LRP1: variants seen among roughly 807,000 people sequenced by gnomAD.
LRP1 encodes prolow-density lipoprotein receptor-related protein 1.
A neutral mutation model predicts 541.5 loss-of-function variants in LRP1; 51 were observed. The observed-to-expected ratio is 0.09, with a 90% CI of 0.08 to 0.12. LRP1 has a LOEUF of 0.12. Ranked by LOEUF, LRP1 falls within the 10% of genes least tolerant of loss-of-function variation. The pLI is 1.00. For missense variants in LRP1, 3,878 were observed against 6,376.2 expected, an observed-to-expected ratio of 0.61 and a Z score of 13.34; for synonymous variants, 2,219 against 2,470.8, an observed-to-expected ratio of 0.90 and a Z score of 3.02.
At chr12:57,174,013 G>C in intron 22 of LRP1, 33 bp downstream of exon 22, 1 of 1,605,836 alleles carries the variant, frequency 6.2e-7, no homozygotes, top group African/African-American at 1.3e-5. Flanking sequence ...GGGTAGGGAG[G>C]GTGGCTGGGT....
intron 78 of LRP1, 122 bp from the exon 79 acceptor site, chr12:57,208,961 A>G: frequency 9.4e-7 from 1 of 1,063,168 alleles, no homozygotes; most frequent in South Asian, 1.4e-5. Flanking sequence ...GCTTTTCCCG[A>G]AAGAGGTGAC....
Position 57,204,480 on chromosome 12 carries a change from T to C in LRP1, c.11022T>C (p.Asp3674=). Residue 3674 remains aspartate (D), a synonymous_variant, in exon 71 of 89, where the codon GAT becomes GAC. Transcript: ENST00000243077. The surrounding 1 kb of genome is among the most constrained non-coding windows in gnomAD (Gnocchi z 5.3). ...GCAAGCCGCTGGCCTGGAAGTGCGA[T>C]GGCGAGGATGACTGTGGGGACAACT... ...TLCKPLAWKC[D]GEDDCGDNSD... is the part of the protein sequence containing the mutation. 1 of 1,579,594 alleles carries C rather than the reference T, an allele frequency of 6.3e-7. No individual in the cohort carries two copies. The highest frequency in any genetic ancestry group is 8.6e-7 in the Non-Finnish European group (1 of 1,160,330).
Position 57,173,425 on chromosome 12 carries a change from C to G in LRP1, c.3346+75C>G, listed in dbSNP as rs181211156. ...GGAGACCGTGTTGAGAGCAGAGTAG[C>G]GGCAAAGGGGATGGCACTGTGCTGT... On this transcript the variant is annotated intron_variant, in intron 21 of 88. Transcript: ENST00000243077. The surrounding 1 kb of genome is among the most constrained non-coding windows in gnomAD (Gnocchi z 4.7). The G allele has an allele frequency of 3.7e-5, 54 of 1,477,320 alleles. No homozygotes were observed. The East Asian group carries it at 1.2e-3, about 34-fold the overall frequency. The allele number at this position is 1,477,320 out of a possible 1,614,324, so 91.5% of individuals were successfully genotyped here.
chr12:57,177,276 C>G lies in LRP1; in HGVS notation c.4196+31C>G. The G allele has an allele frequency of 6.2e-7, 1 of 1,607,868 alleles. No homozygotes were observed. Among genetic ancestry groups the G allele is most frequent in the East Asian group, 2.2e-5 (1 of 44,728 alleles). Reference sequence around the variant, plus strand: ...GACCTTGCCCAGCCTTCTCCTGGCCCCATGGCCCCCCTGAAGTCCCATTCA... The same window carrying G: ...GACCTTGCCCAGCCTTCTCCTGGCCGCATGGCCCCCCTGAAGTCCCATTCA... On this transcript the variant is annotated intron_variant, in intron 25 of 88. Coordinates refer to ENST00000243077, the MANE Select transcript of LRP1 (RefSeq NM_002332.3). This position sits in a 1 kb window ranked among gnomAD's most constrained non-coding sequence, Gnocchi z 6.8.
At position 57,185,995 on chromosome 12, in the gene LRP1, C is replaced by T. The variant is rs1192837293; in HGVS notation, c.6841+87C>T. On this transcript the variant is annotated intron_variant, in intron 41 of 88. Coordinates refer to ENST00000243077, the MANE Select transcript of LRP1 (RefSeq NM_002332.3). This position sits in a 1 kb window ranked among gnomAD's most constrained non-coding sequence, Gnocchi z 4.9. ...CTTAGACCCCAGCCAGGCACTCTAC[C>T]CTAGGTCTGAATCCCAGCAGCTACA... The T allele has an allele frequency of 2.1e-6, 3 of 1,429,508 alleles. No homozygotes were observed. In the African/African-American group the frequency reaches 4.3e-5, roughly 20 times the overall value. The allele number at this position is 1,429,508 out of a possible 1,614,324, so 88.6% of individuals were successfully genotyped here.
intron 24 of LRP1, among the ~76,000 whole-genome samples, chr12:57,176,680 G>T (rs140440737): frequency 6.6e-6 from 1 of 152,174 alleles, no homozygotes; most frequent in East Asian, 1.9e-4. Flanking sequence ...TCAACGAGGG[G>T]GGAGGCTAAG....
chr12:57,172,537 C>G (rs576059453), intron 20 of LRP1, among the ~76,000 whole-genome samples: 1 of 152,264 alleles, frequency 6.6e-6, no homozygotes, highest in South Asian at 2.1e-4. Flanking sequence ...GGCTGTTCCC[C>G]TTGCCTGGAG....
chr12:57,180,409 T>C lies in LRP1; in HGVS notation c.5316T>C (p.Asp1772=), dbSNP rs1444999828. 7 of 1,614,144 alleles carry C rather than the reference T, an allele frequency of 4.3e-6. No individual in the cohort carries two copies. Among genetic ancestry groups the C allele is most frequent in the Non-Finnish European group, 5.9e-6 (7 of 1,180,042 alleles). Residue 1772 remains aspartate (D), a synonymous_variant, in exon 32 of 89, where the codon GAT becomes GAC. Transcript: ENST00000243077. ...GNHTINRCNL[D]GSGLEVIDAM... is the part of the protein sequence containing the mutation. ...ATACCATCAACCGCTGCAACCTGGATGGGAGTGGGCTGGAGGTCATCGATG... is the reference window on the plus strand; with the variant it reads ...ATACCATCAACCGCTGCAACCTGGACGGGAGTGGGCTGGAGGTCATCGATG...
chr12:57,190,593 C>G (rs1284959642), intron 42 of LRP1, among the ~76,000 whole-genome samples: 1 of 152,252 alleles, frequency 6.6e-6, no homozygotes, highest in Non-Finnish European at 1.5e-5. Context: ...ACACTTGGCC[C>G]TCATCCCCTC....
Position 57,145,192 on chromosome 12 carries a change from C to T in LRP1, c.578-35C>T, listed in dbSNP as rs535270990. 4.7e-5 allele frequency: 76 copies of T among 1,613,780 alleles called. No individual in the cohort carries two copies. The East Asian group carries it at 1.5e-3, about 32-fold the overall frequency. On this transcript the variant is annotated intron_variant, in intron 5 of 88. Coordinates refer to ENST00000243077, the MANE Select transcript of LRP1 (RefSeq NM_002332.3). Reference sequence around the variant, plus strand: ...TGGCCTGAGAGGTGGTCCTAGAGCCCTGGCTGCACGGACTCTTCTCTTCCC... The same window carrying T: ...TGGCCTGAGAGGTGGTCCTAGAGCCTTGGCTGCACGGACTCTTCTCTTCCC...
In LRP1 at chr12:57,177,359, A is replaced by G. The variant is rs1156586629; in HGVS notation, c.4197-68A>G. The G allele has an allele frequency of 6.4e-7, 1 of 1,558,722 alleles. No homozygotes were observed. The highest frequency in any genetic ancestry group is 1.4e-5 in the African/African-American group (1 of 73,860). ...ATCTGCCTCCTCCCACCCTCTACCT[A>G]CGATCCCACCACAGTCGCTCCCTGA... is the stretch of plus-strand genomic sequence containing the variant. On this transcript the variant is annotated intron_variant, in intron 25 of 88. Transcript: ENST00000243077. The surrounding 1 kb of genome is among the most constrained non-coding windows in gnomAD (Gnocchi z 6.8).
Position 57,205,682 on chromosome 12 carries a change from C to G in LRP1, c.11590+5C>G, listed in dbSNP as rs547917087. ...ACAACACCTGCAAGGCCGAAGGTGC[C>G]GGAGCCACCAGAGGGCAGAAAGGCT... On this transcript the variant is annotated splice_donor_5th_base_variant and intron_variant, in intron 75 of 88. Transcript: ENST00000243077. This position sits in a 1 kb window ranked among gnomAD's most constrained non-coding sequence, Gnocchi z 4.6. The G allele has an allele frequency of 9.6e-4, 1,545 of 1,609,296 alleles. 19 individuals are homozygous for G. The South Asian group carries it at 0.016, about 17-fold the overall frequency.
intron 59 of LRP1, 47 bp from the exon 60 acceptor site, chr12:57,198,418 C>T (rs569653667): frequency 5.0e-5 from 81 of 1,605,494 alleles, no homozygotes; most frequent in South Asian, 2.8e-4. Flanking sequence ...GCCACTGGTG[C>T]GATGGGTTAC....
intron 55 of LRP1, 138 bp from the exon 56 acceptor site, chr12:57,196,844 G>A: frequency 1.4e-6 from 1 of 698,620 alleles, no homozygotes; most frequent in Non-Finnish European, 2.4e-6. Flanking sequence ...CTGTGGGCCA[G>A]CTGGGTGGGC....
At position 57,177,550 on chromosome 12, in the gene LRP1, C is replaced by G. The variant is rs765634369; in HGVS notation, c.4320C>G (p.Thr1440=). The change falls in exon 26 of 89, where the codon ACC becomes ACG. Residue 1440 remains threonine, a synonymous_variant. Transcript: ENST00000243077. This position sits in a 1 kb window ranked among gnomAD's most constrained non-coding sequence, Gnocchi z 6.8. ...CTGGGGGCTGGCCCAACGGGCTCAC[C>G]GTGGACTACCTGGAGAAGCGCATCC... is the stretch of plus-strand genomic sequence containing the variant. ...TGSGGWPNGL[T]VDYLEKRILW... is the part of the protein sequence containing the mutation. 4 of 1,613,796 alleles carry G rather than the reference C, an allele frequency of 2.5e-6. No individual in the cohort carries two copies. The highest frequency in any genetic ancestry group is 3.4e-6 in the Non-Finnish European group (4 of 1,179,982).
Position 57,201,003 on chromosome 12 carries a change from C to T in LRP1, c.10226-31C>T, listed in dbSNP as rs769849927. 1.3e-5 allele frequency: 21 copies of T among 1,613,690 alleles called. No homozygotes were observed. The highest frequency in any genetic ancestry group is 1.6e-4 in the Middle Eastern group (1 of 6,082). ...TCTCCCTGCCCCTGAGTCCTCCCTT[C>T]GCCACGAATCACCTCCTCCTCCCTC... is the stretch of plus-strand genomic sequence containing the variant. On this transcript the variant is annotated intron_variant, in intron 64 of 88. Transcript: ENST00000243077. The surrounding 1 kb of genome is among the most constrained non-coding windows in gnomAD (Gnocchi z 6.4).
rs1415025762 is a variant in LRP1 at position 57,211,543 on chromosome 12, A to G, written c.13148A>G (p.Asn4383Ser). Residue 4383 changes from asparagine to serine, a missense_variant, in exon 85 of 89, where the codon AAT becomes AGT. By Grantham distance (46) the Asn-to-Ser change is conservative (BLOSUM62 1). Coordinates refer to ENST00000243077, the MANE Select transcript of LRP1 (RefSeq NM_002332.3). This position sits in a 1 kb window ranked among gnomAD's most constrained non-coding sequence, Gnocchi z 4.3. ...SCLTCVGHCS[N>S]GGSCTMNSKM... ...CTGACCTGCGTCGGCCACTGCAGCA[A>G]TGGCGGCTCCTGTACCATGAACAGC... 5 of 1,614,086 alleles carry G rather than the reference A, an allele frequency of 3.1e-6. No homozygotes were observed. Among genetic ancestry groups the G allele is most frequent in the Non-Finnish European group, 3.4e-6 (4 of 1,180,036 alleles).
Position 57,166,911 on chromosome 12 carries a change from A to T in LRP1, c.2798-19A>T. ...GAGGGTCAGGACAATGAGTACTCACACCCATCCCTGCCCCCCAGCCCGCAC... is the reference window on the plus strand; with the variant it reads ...GAGGGTCAGGACAATGAGTACTCACTCCCATCCCTGCCCCCCAGCCCGCAC... On this transcript the variant is annotated intron_variant, in intron 17 of 88. Coordinates refer to ENST00000243077, the MANE Select transcript of LRP1 (RefSeq NM_002332.3). 1 of 1,331,802 alleles carries T rather than the reference A, an allele frequency of 7.5e-7. No homozygotes were observed. 82.5% of individuals were successfully genotyped at this position (1,331,802 alleles called of 1,614,324 possible). A position where few individuals can be genotyped will look rare whatever the true frequency, so the allele number is the denominator to read the frequency against.
chr12:57,135,415 T>A (rs2035137033), intron 1 of LRP1, among the ~76,000 whole-genome samples: 1 of 152,092 alleles, frequency 6.6e-6, no homozygotes, highest in Non-Finnish European at 1.5e-5. Context: ...ATTATAAGGG[T>A]CCTACCCCGC....
Sources: gnomAD v4.1 joint callset for allele counts (sites outside exome capture counted in the v4.1 genomes callset) on GRCh38, gnomAD v4.1.1 for gene constraint, Gnocchi (gnomAD v3.1) non-coding constraint, MANE v1.5 for transcripts, NCBI Gene and HGNC (gene_info 2026-07-23, HGNC 2026-07-21) for gene names.